The following KCNH8 variants were observed in gnomAD, a reference collection of about 807,000 sequenced individuals.
KCNH8 encodes the protein voltage-gated delayed rectifier potassium channel KCNH8.
Under a neutral mutation model 103.6 loss-of-function variants are expected in KCNH8, and 70 were observed. The observed-to-expected ratio is 0.68, with a 90% CI of 0.56 to 0.82. The LOEUF (loss-of-function observed/expected upper bound fraction) is 0.82. Ranked by LOEUF, KCNH8 falls within the 40% of genes least tolerant of loss-of-function variation. KCNH8 has a pLI of 0.00. For synonymous variants in KCNH8, 498 were observed against 489.4 expected (o/e 1.02, Z -0.23); for missense variants, 1,217 against 1,329.9 (o/e 0.92, Z 1.32).
chr3:19,254,697 T>C (rs942786560), intron 2 of KCNH8, among the ~76,000 whole-genome samples: 8 of 152,150 alleles, frequency 5.3e-5, no homozygotes, highest in African/African-American at 1.9e-4. Flanking sequence ...TTTCCTGGTA[T>C]CCAAAATTCT....
rs765171515 is a variant in KCNH8 at position 19,513,115 on chromosome 3, T to G, written c.2225T>G (p.Val742Gly). 6.2e-7 allele frequency: 1 copy of G among 1,613,808 alleles called. No homozygotes were observed. The highest frequency in any genetic ancestry group is 2.2e-5 in the East Asian group (1 of 44,836). The change falls in exon 13 of 16, where the codon GTT becomes GGT. Residue 742 changes from valine (V) to glycine (G), a missense_variant. By Grantham distance (109) the Val-to-Gly change is moderately radical. Around this residue, in one of 3 missense-constraint regions of KCNH8, gnomAD observed 558 missense variants for 495.8 expected, o/e 1.13. Coordinates refer to ENST00000328405, the MANE Select transcript of KCNH8 (RefSeq NM_144633.3). Reference protein sequence around the residue: ...TRGSSSRNKKVGSNKAYLGLS... With the variant: ...TRGSSSRNKKGGSNKAYLGLS... Reference sequence around the variant, plus strand: ...GGATCTTCTTCGCGCAACAAGAAGGTTGGAAGCAATAAAGCCTACCTGGGC... The same window carrying G: ...GGATCTTCTTCGCGCAACAAGAAGGGTGGAAGCAATAAAGCCTACCTGGGC...
intron 8 of KCNH8, among the ~76,000 whole-genome samples, chr3:19,444,967 A>G (rs554581899): frequency 2.0e-5 from 3 of 151,996 alleles, no homozygotes; most frequent in Non-Finnish European, 4.4e-5. Context: ...TGATTCAACA[A>G]TTCCACTTCT....
chr3:19,237,439 G>T (rs977793411), intron 1 of KCNH8, among the ~76,000 whole-genome samples: 1 of 152,176 alleles, frequency 6.6e-6, no homozygotes, highest in African/African-American at 2.4e-5. Context: ...CAGCCCTGGT[G>T]GTTGTTCTCC....
intron 5 of KCNH8, among the ~76,000 whole-genome samples, chr3:19,353,019 T>A (rs1483781827): frequency 6.6e-6 from 1 of 150,876 alleles, no homozygotes. Context: ...GAGAGAAGAA[T>A]TGAATAGTCG....
intron 5 of KCNH8, among the ~76,000 whole-genome samples, chr3:19,374,322 G>C (rs2066154796): frequency 6.6e-6 from 1 of 151,688 alleles, no homozygotes; most frequent in Non-Finnish European, 1.5e-5. Context: ...ATTTAGGATA[G>C]TTAGCTCTTC....
intron 15 of KCNH8, among the ~76,000 whole-genome samples, chr3:19,525,736 C>T (rs1202904509): frequency 6.6e-6 from 1 of 151,852 alleles, no homozygotes; most frequent in Non-Finnish European, 1.5e-5. Context: ...GTCGGCTGCA[C>T]CTGCAAAAGT....
intron 2 of KCNH8, among the ~76,000 whole-genome samples, chr3:19,264,143 A>G (rs2064473437): frequency 1.3e-5 from 2 of 152,052 alleles, no homozygotes; most frequent in Non-Finnish European, 1.5e-5. Context: ...TAGGAGATTA[A>G]TATTTTATAT....
chr3:19,367,775 T>C (rs1353947629), intron 5 of KCNH8, among the ~76,000 whole-genome samples: 2 of 151,988 alleles, frequency 1.3e-5, no homozygotes, highest in African/African-American at 4.8e-5. Flanking sequence ...CAGCCTACTT[T>C]AGAGTTGCTA....
intron 3 of KCNH8, among the ~76,000 whole-genome samples, chr3:19,324,773 A>G (rs2065398054): frequency 6.6e-6 from 1 of 152,216 alleles, no homozygotes; most frequent in South Asian, 2.1e-4. Context: ...AGCAATTTAT[A>G]AATTCAGTGC....
chr3:19,322,480 A>G (rs144223415), intron 3 of KCNH8, among the ~76,000 whole-genome samples: 1 of 152,122 alleles, frequency 6.6e-6, no homozygotes, highest in African/African-American at 2.4e-5. Flanking sequence ...CAAAATTCTT[A>G]GCTGATAATT....
rs34714826 is a variant in KCNH8, at chr3:19,326,356, AATATATATAT to A, written c.443-16213_443-16204del. 3.7e-5 allele frequency among the ~76,000 whole-genome samples: 5 copies of A among 135,766 alleles called. 1 individual carries two copies. The highest frequency in any genetic ancestry group is 1.4e-4 in the African/African-American group (5 of 35,884). 89.1% of individuals were successfully genotyped at this position (135,766 alleles called of 152,430 possible). A position where few individuals can be genotyped will look rare whatever the true frequency, so the allele number is the denominator to read the frequency against. On this transcript the variant is annotated intron_variant, in intron 3 of 15. Coordinates refer to ENST00000328405, the MANE Select transcript of KCNH8 (RefSeq NM_144633.3). ...ACCCCTGAACTTACAATGAAAGTTA[AATATATATAT>A]ATATATATATATATATAATAAATGA...
chr3:19,531,299 G>A (rs2069157038), intron 15 of KCNH8, among the ~76,000 whole-genome samples: 1 of 152,212 alleles, frequency 6.6e-6, no homozygotes, highest in African/African-American at 2.4e-5. Flanking sequence ...TGGAACCCTT[G>A]TGAATGTAGG....
intron 8 of KCNH8, among the ~76,000 whole-genome samples, chr3:19,447,011 A>G (rs1229264667): frequency 1.3e-5 from 2 of 152,012 alleles, no homozygotes; most frequent in Non-Finnish European, 1.5e-5. Flanking sequence ...CACACAAAAA[A>G]AGAGACGCCC....
intron 5 of KCNH8, among the ~76,000 whole-genome samples, chr3:19,372,786 A>G (rs940542771): frequency 3.9e-5 from 6 of 152,138 alleles, no homozygotes; most frequent in Non-Finnish European, 4.4e-5. Context: ...AATATGTCCC[A>G]TCAATACCGA....
intron 1 of KCNH8, among the ~76,000 whole-genome samples, chr3:19,176,685 C>T (rs2063402909): frequency 1.3e-5 from 2 of 152,038 alleles, no homozygotes; most frequent in Admixed American, 1.3e-4. Flanking sequence ...CATTACCTAT[C>T]TTTTGATTGT....
chr3:19,415,404 C>CTT (rs36068858), intron 7 of KCNH8, among the ~76,000 whole-genome samples: 5,559 of 120,658 alleles, frequency 0.046, 272 homozygotes, highest in East Asian at 0.24. Flanking sequence ...TCTCAATGAG[C>CTT]TTTTTTTTTT....
intron 13 of KCNH8, among the ~76,000 whole-genome samples, 153 bp downstream of exon 13, chr3:19,513,478 T>A (rs773653369): frequency 3.3e-5 from 5 of 152,166 alleles, no homozygotes; most frequent in African/African-American, 7.2e-5. Flanking sequence ...TTTTTTGAGT[T>A]TATGTGCAAG....
chr3:19,498,119 G>A (rs1015988233), intron 11 of KCNH8, among the ~76,000 whole-genome samples: 2 of 152,020 alleles, frequency 1.3e-5, no homozygotes, highest in African/African-American at 4.8e-5. Context: ...TCTATTTTGA[G>A]CCTGTGATTG....
At chr3:19,316,536 C>T (rs1310833446) in intron 3 of KCNH8, among the ~76,000 whole-genome samples, 1 of 151,898 alleles carries the variant, frequency 6.6e-6, no homozygotes, top group African/African-American at 2.4e-5. Flanking sequence ...TGCATTATTA[C>T]TCAAGACTTT....
Sources: allele counts gnomAD v4.1 joint callset (sites outside exome capture counted in the v4.1 genomes callset), GRCh38; gene constraint gnomAD v4.1.1; regional missense constraint gnomAD v4.1.1; transcripts MANE v1.5; gene names NCBI Gene and HGNC (gene_info 2026-07-23, HGNC 2026-07-21).